The following UPK1B variants were observed in gnomAD, a reference collection of about 807,000 sequenced individuals.
UPK1B encodes the protein uroplakin-1b.
Under a neutral mutation model 34.2 loss-of-function variants are expected in UPK1B, and 28 were observed. The ratio of observed to expected loss-of-function variants is 0.82; its 90% CI spans 0.61 to 1.12. The LOEUF (loss-of-function observed/expected upper bound fraction) is 1.12. Ranked by LOEUF, UPK1B falls within the 50% of genes most tolerant of loss-of-function variation. The pLI is 0.00. For synonymous variants in UPK1B, 81 were observed against 110.4 expected, an observed-to-expected ratio of 0.73 and a Z score of 1.67; for missense variants, 325 against 320.9, an observed-to-expected ratio of 1.01 and a Z score of -0.10.
chr3:119,194,340 A>G lies in UPK1B; in HGVS notation c.590A>G (p.Lys197Arg), dbSNP rs751194622. 2.5e-6 allele frequency: 4 copies of G among 1,613,882 alleles called. No homozygotes were observed. The South Asian group carries it at 4.4e-5, about 18-fold the overall frequency. Residue 197 changes from lysine (K) to arginine (R), a missense_variant, in exon 6 of 8, where the codon AAA (lysine) becomes AGA (arginine). Lys to Arg is a conservative substitution (Grantham distance 26, BLOSUM62 2). Coordinates refer to ENST00000264234, the MANE Select transcript of UPK1B (RefSeq NM_006952.4). ...CAATGCTGTGTTATGAACAATCTTA[A>G]AGAACCTCTCAACCTGGAGGCTTGT... ...PRQCCVMNNL[K>R]EPLNLEACKL...
At chr3:119,176,376 C>T (rs572379260) in intron 1 of UPK1B, among the ~76,000 whole-genome samples, 1 of 152,092 alleles carries the variant, frequency 6.6e-6, no homozygotes, top group African/African-American at 2.4e-5. Context: ...GTTTTTAGAC[C>T]TTTCAATGTG....
chr3:119,178,268 A>G (rs2077967034), intron 1 of UPK1B, among the ~76,000 whole-genome samples: 1 of 152,224 alleles, frequency 6.6e-6, no homozygotes, highest in African/African-American at 2.4e-5. Context: ...CTGGTCTTTC[A>G]GAAGGGAACA....
At chr3:119,177,233 TG>T (rs2077961084) in intron 1 of UPK1B, among the ~76,000 whole-genome samples, 1 of 152,236 alleles carries the variant, frequency 6.6e-6, no homozygotes, top group Admixed American at 6.5e-5. Flanking sequence ...GCTTTGTTTA[TG>T]TGGCTCCCTT....
intron 6 of UPK1B, among the ~76,000 whole-genome samples, chr3:119,195,217 T>C (rs2078061277): frequency 1.6e-5 from 2 of 122,940 alleles, no homozygotes; most frequent in South Asian, 5.6e-4. Flanking sequence ...TGAAGACTTG[T>C]TAATATTCCC....
At chr3:119,175,306 C>T (rs986730898) in intron 1 of UPK1B, among the ~76,000 whole-genome samples, 27 of 152,040 alleles carry the variant, frequency 1.8e-4, no homozygotes, top group Non-Finnish European at 3.2e-4. Context: ...AGATTACAGG[C>T]TTGAGCCACC....
At chr3:119,173,911 C>A (rs1395375573) in intron 1 of UPK1B, among the ~76,000 whole-genome samples, 2 of 152,130 alleles carry the variant, frequency 1.3e-5, no homozygotes, top group African/African-American at 4.8e-5. Context: ...CTGCTTTCAA[C>A]CTCAGATATC....
intron 1 of UPK1B, among the ~76,000 whole-genome samples, chr3:119,177,764 T>C (rs886487709): frequency 1.3e-5 from 2 of 152,254 alleles, no homozygotes; most frequent in Admixed American, 1.3e-4. Context: ...CTTCAGAATA[T>C]CTTATTAAAC....
At chr3:119,198,149 T>C (rs1246598828) in intron 6 of UPK1B, among the ~76,000 whole-genome samples, 1 of 108,016 alleles carries the variant, frequency 9.3e-6, no homozygotes, top group African/African-American at 3.6e-5. Flanking sequence ...AATAAAAATA[T>C]GCATACAAAA....
intron 7 of UPK1B, among the ~76,000 whole-genome samples, chr3:119,200,931 T>C (rs2078087959): frequency 6.6e-6 from 1 of 152,260 alleles, no homozygotes; most frequent in Non-Finnish European, 1.5e-5. Context: ...GAATACTTCC[T>C]TTCTGTCATG....
intron 3 of UPK1B, among the ~76,000 whole-genome samples, chr3:119,189,960 G>T (rs2078036697): frequency 6.6e-6 from 1 of 152,196 alleles, no homozygotes; most frequent in Non-Finnish European, 1.5e-5. Flanking sequence ...ATACACACCA[G>T]TTCATTCTCT....
In UPK1B at chr3:119,187,781, G is replaced by A. The variant is rs763183222; in HGVS notation, c.76G>A (p.Gly26Ser). The A allele has an allele frequency of 2.5e-5, 40 of 1,612,864 alleles. No homozygotes were observed. Among genetic ancestry groups the A allele is most frequent in the South Asian group, 1.5e-4 (14 of 91,012 alleles). Residue 26 changes from glycine (G) to serine (S), a missense_variant, in exon 3 of 8, where the codon GGC (glycine) becomes AGC (serine). Transcript: ENST00000264234. ...IFGNVIIGCC[G>S]IALTAECIFF... ...ACCTTTCATTTGCCCCCAGTGTTGC[G>A]GCATTGCCCTGACTGCGGAGTGCAT...
chr3:119,199,178 G>A (rs545479776), intron 7 of UPK1B, 38 bp downstream of exon 7: 3 of 1,609,880 alleles, frequency 1.9e-6, no homozygotes, highest in East Asian at 2.2e-5. Context: ...CTGAGAGGAT[G>A]ATCATACGGA....
chr3:119,202,504 T>C (rs1291079319), intron 7 of UPK1B, among the ~76,000 whole-genome samples: 2 of 152,252 alleles, frequency 1.3e-5, no homozygotes, highest in Non-Finnish European at 2.9e-5. Context: ...CCTGTTATTA[T>C]TTCATTATCT....
At chr3:119,174,207 TA>T (rs2077942137) in intron 1 of UPK1B, among the ~76,000 whole-genome samples, 1 of 152,262 alleles carries the variant, frequency 6.6e-6, no homozygotes, top group African/African-American at 2.4e-5. Flanking sequence ...TTCTGCTTAA[TA>T]AATGTGTCAG....
intron 1 of UPK1B, among the ~76,000 whole-genome samples, chr3:119,173,854 T>C (rs985674333): frequency 6.6e-6 from 1 of 152,238 alleles, no homozygotes. Flanking sequence ...ATACCCTTGA[T>C]ATAAGTCTTG....
chr3:119,178,042 A>C (rs1050717002), intron 1 of UPK1B, among the ~76,000 whole-genome samples: 3 of 144,818 alleles, frequency 2.1e-5, no homozygotes, highest in African/African-American at 7.6e-5. Flanking sequence ...AAAGACAGGG[A>C]CACCCTAAGC....
Position 119,203,921 on chromosome 3 carries a change from G to C in UPK1B, c.737G>C (p.Trp246Ser). ...CCTTGTTTTTTTCTATTCCAGTTTT[G>C]GGTTCTCCTGGGTACCATGTTCTAC... ...FGFAILCWTF[W>S]VLLGTMFYWS... The change falls in exon 8 of 8, where the codon TGG (tryptophan) becomes TCG (serine). Residue 246 changes from tryptophan to serine, a missense_variant. Physicochemically the swap from Trp to Ser is radical, Grantham distance 177 (BLOSUM62 -3). Coordinates refer to ENST00000264234, the MANE Select transcript of UPK1B (RefSeq NM_006952.4). 1 of 1,613,706 alleles carries C rather than the reference G, an allele frequency of 6.2e-7. No homozygotes were observed. The highest frequency in any genetic ancestry group is 8.5e-7 in the Non-Finnish European group (1 of 1,179,902).
Position 119,204,075 on chromosome 3 carries a change from T to A in UPK1B, c.*108T>A, listed in dbSNP as rs565402265. The A allele has an allele frequency of 2.0e-5, 26 of 1,270,974 alleles. No individual in the cohort carries two copies. The highest frequency in any genetic ancestry group is 2.7e-5 in the Non-Finnish European group (24 of 885,282). 78.7% of individuals were successfully genotyped at this position (1,270,974 alleles called of 1,614,324 possible). A position where few individuals can be genotyped will look rare whatever the true frequency, so the allele number is the denominator to read the frequency against. ...TTTGTGCCCCACACTAACGTGTGTG[T>A]CTTACATTGCCAAGTCAGATGGTAC... On this transcript the variant is annotated 3_prime_UTR_variant, in exon 8 of 8. Transcript: ENST00000264234.
At chr3:119,187,255 T>G (rs1009658775) in intron 2 of UPK1B, among the ~76,000 whole-genome samples, 5 of 151,914 alleles carry the variant, frequency 3.3e-5, no homozygotes, top group African/African-American at 1.2e-4. Flanking sequence ...TCTGGTGGCA[T>G]AGAAGAACAT....
Sources: gnomAD v4.1 joint callset for allele counts (sites outside exome capture counted in the v4.1 genomes callset) on GRCh38, gnomAD v4.1.1 for gene constraint, MANE v1.5 for transcripts, NCBI Gene and HGNC (gene_info 2026-07-23, HGNC 2026-07-21) for gene names.